Variants in RITA1 observed in about 807,000 individuals in gnomAD.
RITA1 encodes RBPJ-interacting and tubulin-associated protein 1.
A neutral mutation model predicts 8.7 loss-of-function variants in RITA1; 15 were observed. The ratio of observed to expected loss-of-function variants is 1.72; its 90% CI spans 1.15 to 2.65. The LOEUF is 2.65. RITA1 is among the 30% of genes most tolerant of loss of function. RITA1 has a pLI of 0.00. For missense variants in RITA1, 330 were observed against 363.8 expected, an observed-to-expected ratio of 0.91 and a Z score of 0.76; for synonymous variants, 145 against 156.2, an observed-to-expected ratio of 0.93 and a Z score of 0.53.
intron 3 of RITA1, among the ~76,000 whole-genome samples, chr12:113,188,901 C>T (rs1952569300): frequency 6.9e-6 from 1 of 143,972 alleles, no homozygotes; most frequent in Non-Finnish European, 1.5e-5. Flanking sequence ...GCCTCCACCT[C>T]CGGGTTCAAG....
intron 2 of RITA1, 124 bp downstream of exon 2, chr12:113,186,440 A>G: frequency 1.5e-6 from 2 of 1,373,634 alleles, no homozygotes; most frequent in Non-Finnish European, 1.9e-6. Flanking sequence ...CACAGGTGTC[A>G]TCTCTCCTTC....
chr12:113,188,677 G>A (rs1952564064), intron 3 of RITA1, among the ~76,000 whole-genome samples: 1 of 150,476 alleles, frequency 6.6e-6, no homozygotes, highest in Non-Finnish European at 1.5e-5. Context: ...TTACATGCAA[G>A]GGCCTTTTCT....
intron 3 of RITA1, among the ~76,000 whole-genome samples, chr12:113,190,543 G>A (rs1049757316): frequency 2.0e-5 from 3 of 152,176 alleles, no homozygotes; most frequent in Non-Finnish European, 4.4e-5. Context: ...CAGCTATTAG[G>A]GAGGCTGAGG....
intron 3 of RITA1, among the ~76,000 whole-genome samples, chr12:113,189,914 G>A (rs1196966795): frequency 6.6e-6 from 1 of 151,474 alleles, no homozygotes; most frequent in Non-Finnish European, 1.5e-5. Context: ...GTGCATACCT[G>A]TAGTCCCAGC....
Position 113,191,594 on chromosome 12 carries a change from G to C in RITA1, c.587G>C (p.Arg196Pro). 6.2e-7 allele frequency: 1 copy of C among 1,614,104 alleles called. No individual in the cohort carries two copies. ...TTACACTCTTCACGCCCCCTGAAGC[G>C]GGGACTTTCCCATTCCCTCACCCAC... ...GGLHSSRPLK[R>P]GLSHSLTHLN... Residue 196 changes from arginine to proline, a missense_variant, in exon 4 of 4, where the codon CGG becomes CCG. Coordinates refer to ENST00000548278, the MANE Select transcript of RITA1 (RefSeq NM_032848.3). The surrounding 1 kb of genome is among the most constrained non-coding windows in gnomAD (Gnocchi z 4.0).
chr12:113,186,124 C>T (rs1282772504), intron 1 of RITA1, 61 bp from the exon 2 acceptor site: 1 of 1,497,230 alleles, frequency 6.7e-7, no homozygotes, highest in African/African-American at 1.4e-5. Flanking sequence ...CGGTGATCTC[C>T]CGATAGCAGT....
intron 3 of RITA1, among the ~76,000 whole-genome samples, chr12:113,188,235 G>A (rs565601668): frequency 0.017 from 1,394 of 83,168 alleles, 10 homozygotes; most frequent in Non-Finnish European, 0.023. Flanking sequence ...TTTTTTTTTT[G>A]AGACGGAGTT....
In RITA1 at chr12:113,191,324, C is replaced by A. The variant is rs749099435; in HGVS notation, c.317C>A (p.Thr106Asn). 1 of 1,529,878 alleles carries A rather than the reference C, an allele frequency of 6.5e-7. No homozygotes were observed. The highest frequency in any genetic ancestry group is 2.0e-5 in the Admixed American group (1 of 48,804). 94.8% of individuals were successfully genotyped at this position (1,529,878 alleles called of 1,614,324 possible). Residue 106 changes from threonine to asparagine, a missense_variant, in exon 4 of 4, where the codon ACC becomes AAC. Thr to Asn is a moderately conservative substitution (Grantham distance 65). Transcript: ENST00000548278. This position sits in a 1 kb window ranked among gnomAD's most constrained non-coding sequence, Gnocchi z 4.0. Reference sequence around the variant, plus strand: ...CCATTTGCCAGACCCATCAGCCACACCCCGTCTTACTGTGATGAGTCGCTG... The same window carrying A: ...CCATTTGCCAGACCCATCAGCCACAACCCGTCTTACTGTGATGAGTCGCTG... ...KKNKYRPISH[T>N]PSYCDESLFG...
Position 113,191,234 on chromosome 12 carries a change from G to T in RITA1, c.303-76G>T. ...CCCTCCTCTGCTGCTGCCATCCCAG[G>T]GTGGGTGGGAGAGCTGTTAAAGTTT... On this transcript the variant is annotated intron_variant, in intron 3 of 3. Transcript: ENST00000548278. This position sits in a 1 kb window ranked among gnomAD's most constrained non-coding sequence, Gnocchi z 4.0. The T allele has an allele frequency of 6.8e-7, 1 of 1,471,124 alleles. No individual in the cohort carries two copies. The highest frequency in any genetic ancestry group is 1.4e-5 in the South Asian group (1 of 70,334). 91.1% of individuals were successfully genotyped at this position (1,471,124 alleles called of 1,614,324 possible).
Position 113,192,124 on chromosome 12 carries a change from T to G in RITA1, c.*307T>G. On this transcript the variant is annotated 3_prime_UTR_variant, in exon 4 of 4. Coordinates refer to ENST00000548278, the MANE Select transcript of RITA1 (RefSeq NM_032848.3). ...CCTCCCACATCATCCATTGTCTTGC[T>G]GCCAAGTGCGAATAAACGGCGTGAT... 1 of 323,274 alleles carries G rather than the reference T, an allele frequency of 3.1e-6. No individual in the cohort carries two copies. The highest frequency in any genetic ancestry group is 5.7e-6 in the Non-Finnish European group (1 of 175,778). The allele number at this position is 323,274 out of a possible 1,614,324, so 20.0% of individuals were successfully genotyped here. A position where few individuals can be genotyped will look rare whatever the true frequency, so the allele number is the denominator to read the frequency against.
intron 3 of RITA1, among the ~76,000 whole-genome samples, chr12:113,188,177 T>C (rs552135966): frequency 5.9e-5 from 9 of 151,620 alleles, no homozygotes; most frequent in Non-Finnish European, 1.0e-4. Context: ...GTCTCCTGAG[T>C]AGCTGGGACT....
rs1211883902 is a variant in RITA1, at chr12:113,191,548, C to T, written c.541C>T (p.Gln181Ter). 2 of 1,613,950 alleles carry T rather than the reference C, an allele frequency of 1.2e-6. No homozygotes were observed. The highest frequency in any genetic ancestry group is 1.7e-6 in the Non-Finnish European group (2 of 1,179,906). Residue 181 changes from glutamine (Q) to a stop codon, truncating the protein, a stop_gained, in exon 4 of 4, where the codon CAG (glutamine) becomes TAG (stop). Coordinates refer to ENST00000548278, the MANE Select transcript of RITA1 (RefSeq NM_032848.3). LOFTEE classifies it low-confidence loss of function (END_TRUNC). The surrounding 1 kb of genome is among the most constrained non-coding windows in gnomAD (Gnocchi z 4.0). ...KTEPGPAADS[Q>*]KLSMGGLHSS... ...AGAGCCGGGGCCAGCGGCAGACTCCCAGAAGTTATCTATGGGTGGGTTACA... is the reference window on the plus strand; with the variant it reads ...AGAGCCGGGGCCAGCGGCAGACTCCTAGAAGTTATCTATGGGTGGGTTACA...
rs879012229 is a variant in RITA1, at chr12:113,191,632, A to G, written c.625A>G (p.Ser209Gly). Residue 209 changes from serine to glycine, a missense_variant, in exon 4 of 4, where the codon AGC becomes GGC. Ser to Gly is a moderately conservative substitution (Grantham distance 56). Transcript: ENST00000548278. This position sits in a 1 kb window ranked among gnomAD's most constrained non-coding sequence, Gnocchi z 4.0. ...SHSLTHLNVP[S>G]TGHPATSAPH... ...TTCCCTCACCCACCTGAATGTCCCC[A>G]GCACTGGTCATCCAGCCACCAGTGC... The G allele has an allele frequency of 6.2e-7, 1 of 1,614,130 alleles. No individual in the cohort carries two copies. The highest frequency in any genetic ancestry group is 1.1e-5 in the South Asian group (1 of 91,084).
intron 1 of RITA1, 67 bp from the exon 2 acceptor site, chr12:113,186,118 G>C (rs1952533609): frequency 6.6e-7 from 1 of 1,506,504 alleles, no homozygotes; most frequent in East Asian, 2.5e-5. Context: ...GGGCGGCGGT[G>C]ATCTCCCGAT....
rs778146162 is a variant in RITA1, at chr12:113,186,722, G to A, written c.-25G>A. Reference sequence around the variant, plus strand: ...AGGGCCTGGCCGGCAGAGCACACCTGCTGTCACCAGGGACCACAGGCAGCA... The same window carrying A: ...AGGGCCTGGCCGGCAGAGCACACCTACTGTCACCAGGGACCACAGGCAGCA... On this transcript the variant is annotated 5_prime_UTR_variant, in exon 3 of 4. Transcript: ENST00000548278. 1.2e-6 allele frequency: 2 copies of A among 1,608,794 alleles called. No homozygotes were observed. The highest frequency in any genetic ancestry group is 2.2e-5 in the East Asian group (1 of 44,732).
In RITA1 at chr12:113,187,014, C is replaced by T. The variant is rs142611773; in HGVS notation, c.268C>T (p.Pro90Ser). 2.7e-5 allele frequency: 44 copies of T among 1,607,162 alleles called. No homozygotes were observed. In the African/African-American group the frequency reaches 3.6e-4, roughly 13 times the overall value. ...CETTPSRGST[P>S]TLTPRKKNKY... ...GACCACCCCCTCAAGGGGCAGCACC[C>T]CCACCCTCACACCAAGGAAGAAGAA... The change falls in exon 3 of 4, where the codon CCC becomes TCC. Residue 90 changes from proline (P) to serine (S), a missense_variant. By Grantham distance (74) the Pro-to-Ser change is moderately conservative (BLOSUM62 -1). Transcript: ENST00000548278.
At chr12:113,187,964 G>C (rs1188401861) in intron 3 of RITA1, among the ~76,000 whole-genome samples, 1 of 152,170 alleles carries the variant, frequency 6.6e-6, no homozygotes, top group Non-Finnish European at 1.5e-5. Context: ...GTTATCAGTG[G>C]TTTGGACAAA....
In RITA1 at chr12:113,187,153, CCT is replaced by C. The variant is rs1952548405; in HGVS notation, c.302+110_302+111del. On this transcript the variant is annotated intron_variant, in intron 3 of 3. Coordinates refer to ENST00000548278, the MANE Select transcript of RITA1 (RefSeq NM_032848.3). ...CTGTGACCTTGGGCAAGCATCTTGA[CCT>C]CTCTGAGCCAGTTTACTCATGTGGA... 4.2e-6 allele frequency: 5 copies of C among 1,202,012 alleles called. No individual in the cohort carries two copies. In the African/African-American group the frequency reaches 7.7e-5, roughly 18 times the overall value. The allele number at this position is 1,202,012 out of a possible 1,614,324, so 74.5% of individuals were successfully genotyped here.
At position 113,185,912 on chromosome 12, in the gene RITA1, C is replaced by T; in HGVS notation, c.-306C>T. 11 of 1,478,004 alleles carry T rather than the reference C, an allele frequency of 7.4e-6. No homozygotes were observed. The highest frequency in any genetic ancestry group is 7.3e-5 in the South Asian group (6 of 82,180). The allele number at this position is 1,478,004 out of a possible 1,614,324, so 91.6% of individuals were successfully genotyped here. ...CCGGGCTGCAGATTGACGGGGATCC[C>T]GGATGCACCGCGCGCCCCCGCGCCC... On this transcript the variant is annotated 5_prime_UTR_variant, in exon 1 of 4. Coordinates refer to ENST00000548278, the MANE Select transcript of RITA1 (RefSeq NM_032848.3).
Sources: allele counts gnomAD v4.1 joint callset (sites outside exome capture counted in the v4.1 genomes callset), GRCh38; gene constraint gnomAD v4.1.1; non-coding constraint Gnocchi (gnomAD v3.1); transcripts MANE v1.5; gene names NCBI Gene and HGNC (gene_info 2026-07-23, HGNC 2026-07-21).